EDNRB: variants seen among roughly 807,000 people sequenced by gnomAD.
EDNRB encodes the protein endothelin receptor type B.
In EDNRB, 18 loss-of-function variants were observed where a neutral mutation model predicts 46.4. That is an observed-to-expected ratio of 0.39 (90% confidence interval 0.27 to 0.57). EDNRB has a LOEUF of 0.57. Among genes scored for constraint, EDNRB ranks in the 20% least tolerant of loss-of-function variants. EDNRB has a pLI of 0.61. For missense variants in EDNRB, 434 were observed against 537.5 expected (o/e 0.81, Z 1.90); for synonymous variants, 213 against 204.9 (o/e 1.04, Z -0.34).
At chr13:77,929,592 TTCATGCCCTGAAAACCCA>T (rs1880330950) in intron 1 of EDNRB, among the ~76,000 whole-genome samples, 2 of 152,272 alleles carry the variant, frequency 1.3e-5, no homozygotes, top group East Asian at 3.9e-4. Context: ...TAGATGCTGG[TTCATGCCCTGAAAACCCA>T]TTTGTACAAG....
upstream of EDNRB, among the ~76,000 whole-genome samples, chr13:77,921,893 TA>T (rs1276860568): frequency 2.0e-5 from 3 of 152,190 alleles, no homozygotes; most frequent in East Asian, 1.9e-4. Context: ...TCTAGGCCAA[TA>T]TTTTTTTTTA....
In EDNRB at chr13:77,897,412, T is replaced by C. The variant is rs966829294; in HGVS notation, c.*788A>G. 6 of 985,126 alleles carry C rather than the reference T, an allele frequency of 6.1e-6. No homozygotes were observed. The African/African-American group carries it at 1.0e-4, about 17-fold the overall frequency. 61.0% of individuals were successfully genotyped at this position (985,126 alleles called of 1,614,324 possible). A position where few individuals can be genotyped will look rare whatever the true frequency, so the allele number is the denominator to read the frequency against. ...TCTTTTGGGATAGCCTTTCAAACAT[T>C]CTATTTCTCTTTGTGAGGTTTGATC... On this transcript the variant is annotated 3_prime_UTR_variant, in exon 7 of 7. Transcript: ENST00000646607.
Position 77,898,191 on chromosome 13 carries a change from GTTC to G in EDNRB, c.*6_*8del, listed in dbSNP as rs769151750. 48 of 1,610,606 alleles carry G rather than the reference GTTC, an allele frequency of 3.0e-5. No homozygotes were observed. The highest frequency in any genetic ancestry group is 3.5e-5 in the Non-Finnish European group (41 of 1,178,196). ...TAAAGAAAATGAAATACAGTGAATAGTTCTTCTTTCAAGATGAGCTGTATTTAT... is the reference window on the plus strand; with the variant it reads ...TAAAGAAAATGAAATACAGTGAATAGTTCTTTCAAGATGAGCTGTATTTAT... On this transcript the variant is annotated 3_prime_UTR_variant, in exon 7 of 7. Transcript: ENST00000646607.
At chr13:77,903,796 T>C (rs1879130335) in intron 1 of EDNRB, among the ~76,000 whole-genome samples, 189 bp from the exon 2 acceptor site, 3 of 151,912 alleles carry the variant, frequency 2.0e-5, no homozygotes, top group South Asian at 2.1e-4. Context: ...TGTGTTGGGA[T>C]TGATGAAAAT....
chr13:77,962,545 A>G (rs548710226), intron 1 of EDNRB, among the ~76,000 whole-genome samples: 16 of 152,352 alleles, frequency 1.1e-4, no homozygotes, highest in African/African-American at 3.6e-4. Context: ...ATAGATGCAG[A>G]AAAGGCCTTT....
intron 1 of EDNRB, among the ~76,000 whole-genome samples, chr13:77,964,703 A>G (rs963471963): frequency 6.6e-6 from 1 of 152,198 alleles, no homozygotes; most frequent in African/African-American, 2.4e-5. Flanking sequence ...GGTGTAGCAC[A>G]CCAACACGGC....
chr13:77,946,482 C>G (rs1230022411), intron 1 of EDNRB, among the ~76,000 whole-genome samples: 1 of 152,084 alleles, frequency 6.6e-6, no homozygotes, highest in Non-Finnish European at 1.5e-5. Flanking sequence ...AGTTTTGCAG[C>G]TAAGATTTGC....
intron 1 of EDNRB, among the ~76,000 whole-genome samples, chr13:77,960,082 G>A (rs1881360448): frequency 6.6e-6 from 1 of 152,164 alleles, no homozygotes; most frequent in Admixed American, 6.5e-5. Flanking sequence ...TGAAAGTGAT[G>A]GGGAGAAAGG....
intron 1 of EDNRB, among the ~76,000 whole-genome samples, chr13:77,964,275 A>C (rs956267709): frequency 6.6e-6 from 1 of 152,238 alleles, no homozygotes; most frequent in Non-Finnish European, 1.5e-5. Context: ...TACTGGGTAT[A>C]TACCCAAAGG....
At chr13:77,953,517 C>A (rs1881150529) in intron 1 of EDNRB, among the ~76,000 whole-genome samples, 1 of 152,058 alleles carries the variant, frequency 6.6e-6, no homozygotes, top group Non-Finnish European at 1.5e-5. Flanking sequence ...ATGAACATGG[C>A]ATTTTTTAGA....
intron 1 of EDNRB, among the ~76,000 whole-genome samples, chr13:77,915,864 A>G (rs2137635321): frequency 6.6e-6 from 1 of 152,358 alleles, no homozygotes; most frequent in African/African-American, 2.4e-5. Context: ...AGTCATGTTA[A>G]GACTGGATGG....
intron 6 of EDNRB, 53 bp from the exon 7 acceptor site, chr13:77,898,387 C>G: frequency 6.2e-7 from 1 of 1,606,660 alleles, no homozygotes; most frequent in Non-Finnish European, 8.5e-7. Context: ...CCTTTCCCAA[C>G]TCTTCCTCCT....
At chr13:77,964,988 A>G (rs1369765189) in intron 1 of EDNRB, among the ~76,000 whole-genome samples, 2 of 152,138 alleles carry the variant, frequency 1.3e-5, no homozygotes, top group Non-Finnish European at 2.9e-5. Context: ...TACCATATAC[A>G]TAAGTAAGTA....
intron 1 of EDNRB, among the ~76,000 whole-genome samples, chr13:77,965,033 A>T (rs1160212982): frequency 6.6e-6 from 1 of 152,204 alleles, no homozygotes; most frequent in African/African-American, 2.4e-5. Flanking sequence ...ATACTGGTCA[A>T]ATATTCTTAT....
At chr13:77,922,356 T>C (rs1225782788), upstream of EDNRB, among the ~76,000 whole-genome samples, 1 of 152,196 alleles carries the variant, frequency 6.6e-6, no homozygotes, top group East Asian at 1.9e-4. Context: ...AGGTTTGCCA[T>C]GGGGAGCATT....
At chr13:77,948,534 T>C (rs1817277045) in intron 1 of EDNRB, among the ~76,000 whole-genome samples, 1 of 152,188 alleles carries the variant, frequency 6.6e-6, no homozygotes, top group Non-Finnish European at 1.5e-5. Context: ...TAAGAGGCTT[T>C]GCAAATGGAT....
At chr13:77,946,514 G>A (rs765004622) in intron 1 of EDNRB, among the ~76,000 whole-genome samples, 7 of 151,762 alleles carry the variant, frequency 4.6e-5, no homozygotes, top group South Asian at 2.1e-4. Context: ...GTTGTTTTTC[G>A]TTCACTCTGA....
At chr13:77,919,774 T>C, upstream of EDNRB, 1 of 675,240 alleles carries the variant, frequency 1.5e-6, no homozygotes, top group Middle Eastern at 4.2e-4. Context: ...TGTTTATTTG[T>C]TAGAGTTCTA....
chr13:77,934,874 T>G (rs560443553), intron 1 of EDNRB, among the ~76,000 whole-genome samples: 2 of 152,060 alleles, frequency 1.3e-5, no homozygotes, highest in African/African-American at 2.4e-5. Context: ...CTGCCATCAA[T>G]AAATCAAGCG....
Sources: gnomAD v4.1 joint callset for allele counts (sites outside exome capture counted in the v4.1 genomes callset) on GRCh38, gnomAD v4.1.1 for gene constraint, MANE v1.5 for transcripts, NCBI Gene and HGNC (gene_info 2026-07-23, HGNC 2026-07-21) for gene names.